Variants in CACNA1C observed in about 807,000 individuals in gnomAD.
The protein encoded by CACNA1C is voltage-dependent L-type calcium channel subunit alpha-1C.
Under a neutral mutation model 229.0 loss-of-function variants are expected in CACNA1C, and 30 were observed. The observed-to-expected ratio is 0.13, with a 90% CI of 0.10 to 0.18. CACNA1C has a LOEUF of 0.18. Ranked by LOEUF, CACNA1C falls within the 10% of genes least tolerant of loss-of-function variation. The pLI is 1.00. For missense variants in CACNA1C, 1,658 were observed against 2,845.0 expected (o/e 0.58, Z 9.49); for synonymous variants, 1,114 against 1,132.5 (o/e 0.98, Z 0.33).
At position 2,567,811 on chromosome 12, in the gene CACNA1C, C is replaced by CT; in HGVS notation, c.1895+18dup. 6.6e-7 allele frequency: 1 copy of CT among 1,522,788 alleles called. No homozygotes were observed. Among genetic ancestry groups the CT allele is most frequent in the Non-Finnish European group, 9.1e-7 (1 of 1,101,458 alleles). The allele number at this position is 1,522,788 out of a possible 1,614,324, so 94.3% of individuals were successfully genotyped here. A position where few individuals can be genotyped will look rare whatever the true frequency, so the allele number is the denominator to read the frequency against. ...GATCACGAGGTACTGGGCTCCCCCT[C>CT]TCACTTTGAAGAGGGGACTCAGGAA... On this transcript the variant is annotated intron_variant, in intron 13 of 46. Coordinates refer to ENST00000399655, the MANE Select transcript of CACNA1C (RefSeq NM_000719.7).
chr12:2,176,679 A>G (rs955032447), intron 3 of CACNA1C, among the ~76,000 whole-genome samples: 1 of 152,126 alleles, frequency 6.6e-6, no homozygotes, highest in African/African-American at 2.4e-5. Context: ...ATTCCTAGGC[A>G]TAGCATTCTC....
In CACNA1C at chr12:2,549,887, G is replaced by A. The variant is rs113470833; in HGVS notation, c.1391-56G>A. 566 of 1,300,148 alleles carry A rather than the reference G, an allele frequency of 4.4e-4. 3 individuals carry two copies. The highest frequency in any genetic ancestry group is 3.9e-4 in the Non-Finnish European group (358 of 915,204). The allele number at this position is 1,300,148 out of a possible 1,614,324, so 80.5% of individuals were successfully genotyped here. On this transcript the variant is annotated intron_variant, in intron 9 of 46. Coordinates refer to ENST00000399655, the MANE Select transcript of CACNA1C (RefSeq NM_000719.7). The stretch of plus-strand genomic sequence containing the variant: ...GCGTGTTGCAAACTACTGCTCTTCT[G>A]TTCCCTTGTCTCCCCACCCTCAATG...
chr12:2,410,650 T>C lies in CACNA1C; in HGVS notation c.478-38326T>C, dbSNP rs1239915288. ...TCGCCTGTGTGTGTGTGTGTGTGCA[T>C]GCGTGTGTGTGTTCCAGGAGCTGAC... On this transcript the variant is annotated intron_variant, in intron 3 of 46. Coordinates refer to ENST00000399655, the MANE Select transcript of CACNA1C (RefSeq NM_000719.7). This position sits in a 1 kb window ranked among gnomAD's most constrained non-coding sequence, Gnocchi z 5.3. Among the ~76,000 whole-genome samples, 1 of 149,388 alleles carries C rather than the reference T, an allele frequency of 6.7e-6. No individual in the cohort carries two copies. Among genetic ancestry groups the C allele is most frequent in the Non-Finnish European group, 1.5e-5 (1 of 67,376 alleles).
rs186376765 is a variant in CACNA1C, at chr12:2,188,958, T to C, written c.477+68528T>C. Among the ~76,000 whole-genome samples the C allele has an allele frequency of 6.3e-3, 958 of 152,042 alleles. 15 individuals carry two copies. Among genetic ancestry groups the C allele is most frequent in the Admixed American group, 0.026 (397 of 15,268 alleles). ...ATACAAAAAAATTAGCCGGCCGTGGTGGCGGGTGCCTGTAGTCCCAGCTAC... is the reference window on the plus strand; with the variant it reads ...ATACAAAAAAATTAGCCGGCCGTGGCGGCGGGTGCCTGTAGTCCCAGCTAC... On this transcript the variant is annotated intron_variant, in intron 3 of 46. Transcript: ENST00000399655.
intron 1 of CACNA1C, among the ~76,000 whole-genome samples, chr12:1,979,022 C>T (rs1325242595): frequency 3.9e-5 from 6 of 152,118 alleles, no homozygotes; most frequent in African/African-American, 1.2e-4. Flanking sequence ...TTTGTGTGGA[C>T]ATGTGCTTTC....
chr12:2,048,932 C>T (rs1310966646), upstream of CACNA1C, among the ~76,000 whole-genome samples: 1 of 152,192 alleles, frequency 6.6e-6, no homozygotes, highest in Admixed American at 6.5e-5. Flanking sequence ...TTTTTCCCCA[C>T]CTGCCCCAGA....
intron 3 of CACNA1C, among the ~76,000 whole-genome samples, chr12:2,188,314 A>G (rs1404954009): frequency 6.6e-6 from 1 of 152,106 alleles, no homozygotes; most frequent in Non-Finnish European, 1.5e-5. Context: ...TTTATTAAGA[A>G]TAAATTATTC....
At chr12:2,121,074 C>T (rs2086491034) in intron 3 of CACNA1C, among the ~76,000 whole-genome samples, 1 of 152,182 alleles carries the variant, frequency 6.6e-6, no homozygotes, top group South Asian at 2.1e-4. Flanking sequence ...GACTTTTGCT[C>T]CATCTGGGCA....
intron 3 of CACNA1C, among the ~76,000 whole-genome samples, chr12:2,191,637 CAT>C (rs751411773): frequency 4.0e-5 from 6 of 151,654 alleles, no homozygotes; most frequent in African/African-American, 1.2e-4. Flanking sequence ...CACAGGCACA[CAT>C]GTAAACAGGC....
At chr12:2,532,397 A>C (rs1599093223) in intron 9 of CACNA1C, among the ~76,000 whole-genome samples, 1 of 151,546 alleles carries the variant, frequency 6.6e-6, no homozygotes. Flanking sequence ...GTGCTTGGTC[A>C]CTCCCATCTG....
intron 3 of CACNA1C, among the ~76,000 whole-genome samples, chr12:2,247,362 G>T (rs944342651): frequency 3.9e-5 from 6 of 152,162 alleles, no homozygotes; most frequent in Non-Finnish European, 7.3e-5. Flanking sequence ...ATGCTCTCTT[G>T]TCCTTGAACT....
At chr12:2,263,782 A>C (rs892015589) in intron 3 of CACNA1C, among the ~76,000 whole-genome samples, 3 of 152,000 alleles carry the variant, frequency 2.0e-5, no homozygotes, top group African/African-American at 7.3e-5. Flanking sequence ...CCATGATCCG[A>C]GATGGGCAGG....
rs2094452842 is a variant in CACNA1C, at chr12:2,647,208, G to A, written c.3913-1267G>A. 6.6e-6 allele frequency among the ~76,000 whole-genome samples: 1 copy of A among 152,216 alleles called. No individual in the cohort carries two copies. The stretch of plus-strand genomic sequence containing the variant: ...AACAGAAATACAAGAGCAACCATCT[G>A]AAAGTGGAGAGTAAAAGCCAAGTCC... On this transcript the variant is annotated intron_variant, in intron 30 of 46. Coordinates refer to ENST00000399655, the MANE Select transcript of CACNA1C (RefSeq NM_000719.7). The surrounding 1 kb of genome is among the most constrained non-coding windows in gnomAD (Gnocchi z 4.2).
chr12:2,208,121 G>C (rs908071841), intron 3 of CACNA1C, among the ~76,000 whole-genome samples: 1 of 152,202 alleles, frequency 6.6e-6, no homozygotes, highest in Non-Finnish European at 1.5e-5. Context: ...GACTTTAGCA[G>C]TTTCTCAATG....
At position 2,071,164 on chromosome 12, in the gene CACNA1C, C is replaced by CCTT. The variant is rs1207254237; in HGVS notation, c.49+17554_49+17555insTTC. ...CTCCTCCCTCCCTCCCTCCCTCCCT[C>CCTT]CCTCCCTCCCTGCCTGCCTGCCTGC... On this transcript the variant is annotated intron_variant, in intron 1 of 46. Coordinates refer to ENST00000399655, the MANE Select transcript of CACNA1C (RefSeq NM_000719.7). 1.8e-3 allele frequency among the ~76,000 whole-genome samples: 41 copies of CCTT among 22,632 alleles called. 5 individuals are homozygous for CCTT. In the South Asian group the frequency reaches 0.03, roughly 16 times the overall value. 14.8% of individuals were successfully genotyped at this position (22,632 alleles called of 152,430 possible).
chr12:2,522,087 G>A lies in CACNA1C; in HGVS notation c.1390+9103G>A, dbSNP rs190332962. On this transcript the variant is annotated intron_variant, in intron 9 of 46. Coordinates refer to ENST00000399655, the MANE Select transcript of CACNA1C (RefSeq NM_000719.7). ...TCCCATCCCTCTGCCTACAGCACCTGTTTCCTCCCCTGCTCCTCCGTGGCC... is the reference window on the plus strand; with the variant it reads ...TCCCATCCCTCTGCCTACAGCACCTATTTCCTCCCCTGCTCCTCCGTGGCC... Among the ~76,000 whole-genome samples the A allele has an allele frequency of 2.0e-3, 311 of 152,278 alleles. 2 individuals are homozygous for A. Among genetic ancestry groups the A allele is most frequent in the African/African-American group, 7.3e-3 (305 of 41,564 alleles).
chr12:2,691,179 G>C lies in CACNA1C; in HGVS notation c.6397G>C (p.Val2133Leu). ...PSEEELQDSR[V>L]YVSSL ...TGAGGAGGAGCTCCAGGACAGCAGG[G>C]TCTACGTCAGCAGCCTGTAGTGGGC... Residue 2133 changes from valine to leucine, a missense_variant, in exon 47 of 47, where the codon GTC (valine) becomes CTC (leucine). Around this residue, in one of 20 missense-constraint regions of CACNA1C, gnomAD observed 590 missense variants for 700.8 expected, o/e 0.84. Transcript: ENST00000399655. The C allele has an allele frequency of 6.3e-7, 1 of 1,581,990 alleles. No homozygotes were observed. The highest frequency in any genetic ancestry group is 1.8e-5 in the Admixed American group (1 of 55,896).
chr12:2,366,337 C>A (rs2097717880), intron 3 of CACNA1C, among the ~76,000 whole-genome samples: 1 of 152,200 alleles, frequency 6.6e-6, no homozygotes, highest in East Asian at 1.9e-4. Flanking sequence ...ATAAAAATAA[C>A]TATGTTAACT....
At chr12:2,443,052 T>TC (rs2099244069) in intron 3 of CACNA1C, among the ~76,000 whole-genome samples, 1 of 151,978 alleles carries the variant, frequency 6.6e-6, no homozygotes, top group East Asian at 1.9e-4. Context: ...TTCTCCATGG[T>TC]CCCCCCAAAG....
Sources: allele counts gnomAD v4.1 joint callset (sites outside exome capture counted in the v4.1 genomes callset), GRCh38; gene constraint gnomAD v4.1.1; regional missense constraint gnomAD v4.1.1; non-coding constraint Gnocchi (gnomAD v3.1); transcripts MANE v1.5; gene names NCBI Gene and HGNC (gene_info 2026-07-23, HGNC 2026-07-21).